Variants in CACNA1B observed in about 807,000 individuals in gnomAD.
The protein encoded by CACNA1B is voltage-dependent N-type calcium channel subunit alpha-1B.
In CACNA1B, 70 loss-of-function variants were observed where a neutral mutation model predicts 247.2. That is an observed-to-expected ratio of 0.28 (90% CI 0.23 to 0.35). CACNA1B has a LOEUF of 0.35. Ranked by LOEUF, CACNA1B falls within the 10% of genes least tolerant of loss-of-function variation. The pLI is 1.00. For missense variants in CACNA1B, 2,367 were observed against 3,197.4 expected (o/e 0.74, Z 6.26); for synonymous variants, 1,231 against 1,294.4 (o/e 0.95, Z 1.05).
At chr9:137,930,818 C>A (rs1488783006) in intron 6 of CACNA1B, among the ~76,000 whole-genome samples, 2 of 151,548 alleles carry the variant, frequency 1.3e-5, no homozygotes, top group East Asian at 1.9e-4. Flanking sequence ...ATGGATTGAC[C>A]TTTTTATCAT....
At chr9:138,013,029 T>A (rs1200452615) in intron 17 of CACNA1B, 100 bp from the exon 18 acceptor site, 50 of 861,212 alleles carry the variant, frequency 5.8e-5, no homozygotes, top group Non-Finnish European at 8.8e-5. Flanking sequence ...ACTGTGTATT[T>A]TTTGAGGCCC....
rs148613989 is a variant in CACNA1B, at chr9:137,976,239, C to T, written c.1656+220C>T. On this transcript the variant is annotated intron_variant, in intron 12 of 46. Coordinates refer to ENST00000371372, the MANE Select transcript of CACNA1B (RefSeq NM_000718.4). Reference sequence around the variant, plus strand: ...GTCAGCCTCAGCAGCTCTCTGTCGGCGGGAGGTCACCCTTCCCTCTTCTGA... The same window carrying T: ...GTCAGCCTCAGCAGCTCTCTGTCGGTGGGAGGTCACCCTTCCCTCTTCTGA... Among the ~76,000 whole-genome samples the T allele has an allele frequency of 3.1e-4, 47 of 152,348 alleles. No homozygotes were observed. In the East Asian group the frequency reaches 8.7e-3, roughly 28 times the overall value.
intron 6 of CACNA1B, among the ~76,000 whole-genome samples, chr9:137,941,580 C>G (rs1957732533): frequency 6.6e-6 from 1 of 152,148 alleles, no homozygotes; most frequent in Admixed American, 6.5e-5. Context: ...TTGGAGGCAT[C>G]ACATTACCCA....
At position 137,914,484 on chromosome 9, in the gene CACNA1B, G is replaced by C. The variant is rs1957390116; in HGVS notation, c.623-170G>C. ...GCTCTGCCCTACACAAGCACTCTCT[G>C]CCCCTCTGCGCCTTAAGGGGCTTCA... is the stretch of plus-strand genomic sequence containing the variant. On this transcript the variant is annotated intron_variant, in intron 4 of 46. Transcript: ENST00000371372. This position sits in a 1 kb window ranked among gnomAD's most constrained non-coding sequence, Gnocchi z 4.3. Among the ~76,000 whole-genome samples, 1 of 152,094 alleles carries C rather than the reference G, an allele frequency of 6.6e-6. No individual in the cohort carries two copies. Among genetic ancestry groups the C allele is most frequent in the African/African-American group, 2.4e-5 (1 of 41,388 alleles).
chr9:137,953,352 C>T (rs151227788), intron 7 of CACNA1B, among the ~76,000 whole-genome samples: 11 of 152,338 alleles, frequency 7.2e-5, no homozygotes, highest in African/African-American at 2.4e-4. Context: ...CTCAGGCCCA[C>T]GGCTCCGAGC....
chr9:138,104,414 C>G (rs772927820), intron 38 of CACNA1B, among the ~76,000 whole-genome samples: 5 of 152,220 alleles, frequency 3.3e-5, no homozygotes, highest in African/African-American at 4.8e-5. Context: ...AGAGGAATTC[C>G]TTGGCCTCTC....
intron 3 of CACNA1B, among the ~76,000 whole-genome samples, chr9:137,886,744 C>T (rs868546146): frequency 7.9e-5 from 12 of 151,930 alleles, no homozygotes; most frequent in African/African-American, 2.7e-4. Flanking sequence ...TGATGAGTTG[C>T]GGCATGGGCG....
At chr9:137,944,136 T>G (rs1163824660) in intron 6 of CACNA1B, among the ~76,000 whole-genome samples, 1 of 152,208 alleles carries the variant, frequency 6.6e-6, no homozygotes, top group Non-Finnish European at 1.5e-5. Context: ...TTGCTTGCCA[T>G]TTTTCTTTAC....
chr9:138,003,515 A>G (rs1267167573), intron 15 of CACNA1B, among the ~76,000 whole-genome samples: 2 of 152,110 alleles, frequency 1.3e-5, no homozygotes, highest in African/African-American at 2.4e-5. Context: ...AGCAGAAAAC[A>G]TAAAGGAATA....
Position 138,059,131 on chromosome 9 carries a change from T to C in CACNA1B, c.4526T>C (p.Val1509Ala), listed in dbSNP as rs759207020. 4 of 1,613,318 alleles carry C rather than the reference T, an allele frequency of 2.5e-6. 1 individual carries two copies. In the South Asian group the frequency reaches 4.4e-5, roughly 18 times the overall value. ...YELMLKCLNI[V>A]FTSMFSMECV... ...CTGATGCTGAAATGCCTGAACATCG[T>C]GTTCACATCCATGTTCTCCATGGAA... Residue 1509 changes from valine (V) to alanine (A), a missense_variant, in exon 30 of 47, where the codon GTG becomes GCG. Transcript: ENST00000371372. This position sits in a 1 kb window ranked among gnomAD's most constrained non-coding sequence, Gnocchi z 4.2.
rs976876622 is a variant in CACNA1B at position 138,020,673 on chromosome 9, C to T, written c.2268-2338C>T. Among the ~76,000 whole-genome samples, 4 of 152,198 alleles carry T rather than the reference C, an allele frequency of 2.6e-5. No homozygotes were observed. Among genetic ancestry groups the T allele is most frequent in the East Asian group, 1.9e-4 (1 of 5,174 alleles). On this transcript the variant is annotated intron_variant, in intron 18 of 46. Transcript: ENST00000371372. The surrounding 1 kb of genome is among the most constrained non-coding windows in gnomAD (Gnocchi z 4.1). ...GTGGAACCAGTGGGGCTGCGGGGGG[C>T]GGGCAGGTGCCCTAGCGTAGGCTGC...
At chr9:137,894,486 G>C (rs756444885) in intron 3 of CACNA1B, among the ~76,000 whole-genome samples, 6 of 151,686 alleles carry the variant, frequency 4.0e-5, no homozygotes, top group Non-Finnish European at 7.4e-5. Flanking sequence ...TCTATCTCAG[G>C]TCACTGCAAG....
At chr9:137,921,885 G>A (rs1302546518) in intron 6 of CACNA1B, among the ~76,000 whole-genome samples, 48 of 140,808 alleles carry the variant, frequency 3.4e-4, no homozygotes, top group African/African-American at 1.3e-3. Flanking sequence ...CACTGCAGCC[G>A]CGCAGCATCC....
In CACNA1B at chr9:138,121,148, A is replaced by T. The variant is rs1027040553; in HGVS notation, c.6489+267A>T. Among the ~76,000 whole-genome samples the T allele has an allele frequency of 6.6e-6, 1 of 150,824 alleles. No individual in the cohort carries two copies. The highest frequency in any genetic ancestry group is 2.4e-5 in the African/African-American group (1 of 40,936). On this transcript the variant is annotated intron_variant, in intron 46 of 46. Transcript: ENST00000371372. The surrounding 1 kb of genome is among the most constrained non-coding windows in gnomAD (Gnocchi z 6.8). ...CACTTTCGGACCTGGGCCCCCAAAT[A>T]CTTACCTCTCTCTCGGTCACTTAAC...
intron 38 of CACNA1B, among the ~76,000 whole-genome samples, chr9:138,104,379 C>T (rs990440547): frequency 5.3e-5 from 8 of 152,182 alleles, no homozygotes; most frequent in South Asian, 4.1e-4. Flanking sequence ...CTATCCCCAA[C>T]GCCCCCCAAC....
chr9:138,070,933 C>T (rs1325604104), intron 32 of CACNA1B, among the ~76,000 whole-genome samples: 1 of 152,240 alleles, frequency 6.6e-6, no homozygotes, highest in African/African-American at 2.4e-5. Flanking sequence ...TGGTAGCTGG[C>T]CCACATCGGG....
intron 40 of CACNA1B, 113 bp from the exon 41 acceptor site, chr9:138,114,265 G>A (rs1961775669): frequency 4.7e-6 from 3 of 643,720 alleles, no homozygotes; most frequent in South Asian, 1.8e-5. Context: ...ATTTCCAGGA[G>A]TCTTTGTGGG....
chr9:137,882,982 C>T lies in CACNA1B; in HGVS notation c.530+99C>T. The T allele has an allele frequency of 1.5e-6, 2 of 1,332,894 alleles. No homozygotes were observed. The highest frequency in any genetic ancestry group is 1.2e-5 in the South Asian group (1 of 81,922). The allele number at this position is 1,332,894 out of a possible 1,614,324, so 82.6% of individuals were successfully genotyped here. The stretch of plus-strand genomic sequence containing the variant: ...GGAGCTGGGGCAGCTGCAGTCCCCT[C>T]ACTGGGGTCCCCTCACAGCCCTGCT... On this transcript the variant is annotated intron_variant, in intron 3 of 46. Coordinates refer to ENST00000371372, the MANE Select transcript of CACNA1B (RefSeq NM_000718.4). The surrounding 1 kb of genome is among the most constrained non-coding windows in gnomAD (Gnocchi z 4.0).
rs1440887333 is a variant in CACNA1B at position 137,954,879 on chromosome 9, T to TGTGTGTGTGTGAGA, written c.1071-818_1071-817insTGTGTGTGTGAGAG. Reference sequence around the variant, plus strand: ...GCTTGTGTGTGTGTGTGTGTGTGTGTGAGAGAGAGAGAGAGAGAGAGAGGG... The same window carrying TGTGTGTGTGTGAGA: ...GCTTGTGTGTGTGTGTGTGTGTGTGTGTGTGTGTGTGAGAGAGAGAGAGAGAGAGAGAGAGAGGG... On this transcript the variant is annotated intron_variant, in intron 7 of 46. Transcript: ENST00000371372. The surrounding 1 kb of genome is among the most constrained non-coding windows in gnomAD (Gnocchi z 4.1). Among the ~76,000 whole-genome samples the TGTGTGTGTGTGAGA allele has an allele frequency of 2.3e-4, 34 of 145,286 alleles. No individual in the cohort carries two copies. Among genetic ancestry groups the TGTGTGTGTGTGAGA allele is most frequent in the East Asian group, 1.1e-3 (5 of 4,596 alleles).
Sources: gnomAD v4.1 joint callset for allele counts (sites outside exome capture counted in the v4.1 genomes callset) on GRCh38, gnomAD v4.1.1 for gene constraint, Gnocchi (gnomAD v3.1) non-coding constraint, MANE v1.5 for transcripts, NCBI Gene and HGNC (gene_info 2026-07-23, HGNC 2026-07-21) for gene names.